Variants in ERC1 observed in about 807,000 individuals in gnomAD.
ERC1 encodes the protein ELKS/RAB6-interacting/CAST family member 1, also known as RAB6 interacting protein 2.
In ERC1, 56 loss-of-function variants were observed where a neutral mutation model predicts 132.0. That is an observed-to-expected ratio of 0.42 (90% confidence interval 0.34 to 0.53). The LOEUF (loss-of-function observed/expected upper bound fraction) is 0.53, where lower values mean the gene tolerates loss of function less well. ERC1 is among the 20% of genes least tolerant of loss of function. The pLI is 0.03. For missense variants in ERC1, 1,202 were observed against 1,349.9 expected, an observed-to-expected ratio of 0.89 and a Z score of 1.72; for synonymous variants, 478 against 476.1, an observed-to-expected ratio of 1.00 and a Z score of -0.05.
intron 14 of ERC1, among the ~76,000 whole-genome samples, chr12:1,263,687 T>C (rs1326383093): frequency 6.6e-6 from 1 of 152,252 alleles, no homozygotes; most frequent in African/African-American, 2.4e-5. Context: ...TTTTTTTCTT[T>C]TATTATTATT....
intron 1 of ERC1, among the ~76,000 whole-genome samples, chr12:1,006,432 C>T (rs1963619468): frequency 6.6e-6 from 1 of 152,078 alleles, no homozygotes; most frequent in Non-Finnish European, 1.5e-5. Context: ...GAGTGTTACT[C>T]TGTCACCTAG....
At chr12:1,270,253 A>G (rs1478561094) in intron 14 of ERC1, among the ~76,000 whole-genome samples, 1 of 151,860 alleles carries the variant, frequency 6.6e-6, no homozygotes, top group Non-Finnish European at 1.5e-5. Flanking sequence ...CTTCACCCAC[A>G]CTGGAGTGCA....
intron 16 of ERC1, among the ~76,000 whole-genome samples, chr12:1,403,332 C>T (rs1308906917): frequency 6.6e-6 from 1 of 152,150 alleles, no homozygotes; most frequent in Non-Finnish European, 1.5e-5. Flanking sequence ...TATAAAATAT[C>T]TTTCATGTCA....
intron 15 of ERC1, among the ~76,000 whole-genome samples, chr12:1,351,200 G>A (rs1308528671): frequency 6.6e-6 from 1 of 152,126 alleles, no homozygotes; most frequent in Admixed American, 6.5e-5. Context: ...TTGATTTACT[G>A]CTTACAAATC....
chr12:1,065,046 G>A (rs757175745), intron 2 of ERC1, among the ~76,000 whole-genome samples: 1 of 151,918 alleles, frequency 6.6e-6, no homozygotes, highest in Non-Finnish European at 1.5e-5. Flanking sequence ...TGTTGCCCAG[G>A]CTGGAGTGCA....
At chr12:1,082,566 C>T (rs996671368) in intron 2 of ERC1, among the ~76,000 whole-genome samples, 2 of 147,784 alleles carry the variant, frequency 1.4e-5, no homozygotes, top group African/African-American at 2.5e-5. Context: ...TCTTGGCTCA[C>T]TGCAATTCCC....
chr12:1,441,017 TAATC>T (rs1204372964), intron 17 of ERC1, among the ~76,000 whole-genome samples: 2 of 152,114 alleles, frequency 1.3e-5, no homozygotes, highest in Non-Finnish European at 2.9e-5. Flanking sequence ...CATGTTTATT[TAATC>T]AATTAGCCAT....
intron 2 of ERC1, among the ~76,000 whole-genome samples, chr12:1,077,930 T>C (rs1486012101): frequency 6.6e-6 from 1 of 152,180 alleles, no homozygotes; most frequent in Non-Finnish European, 1.5e-5. Flanking sequence ...TATATTTTAG[T>C]GGAGAAAACT....
At chr12:1,115,657 T>C (rs576981800) in intron 6 of ERC1, 169 of 463,428 alleles carry the variant, frequency 3.6e-4, no homozygotes, top group Non-Finnish European at 5.8e-4. Flanking sequence ...AACTGGACAT[T>C]TCCCTATTGG....
chr12:1,407,173 G>C (rs950293025), intron 16 of ERC1, among the ~76,000 whole-genome samples: 1 of 151,924 alleles, frequency 6.6e-6, no homozygotes, highest in East Asian at 1.9e-4. Context: ...AAAGACAATG[G>C]GATTATAGTC....
chr12:1,083,016 T>C (rs1942455109), intron 2 of ERC1, 148 bp from the exon 3 acceptor site: 1 of 654,740 alleles, frequency 1.5e-6, no homozygotes, highest in East Asian at 2.6e-5. Flanking sequence ...CTCAATCATT[T>C]TTTAAGGACC....
At chr12:1,195,335 A>G (rs1055975675) in intron 12 of ERC1, among the ~76,000 whole-genome samples, 2 of 152,182 alleles carry the variant, frequency 1.3e-5, no homozygotes, top group African/African-American at 4.8e-5. Context: ...TTTATACATT[A>G]AACTTCAGTT....
At chr12:1,283,499 C>T (rs960836386) in intron 14 of ERC1, among the ~76,000 whole-genome samples, 2 of 152,202 alleles carry the variant, frequency 1.3e-5, no homozygotes, top group African/African-American at 4.8e-5. Context: ...ATTGTGGAAA[C>T]ATAGCAGAAA....
At chr12:1,201,748 A>T (rs1956934599) in intron 12 of ERC1, among the ~76,000 whole-genome samples, 1 of 152,236 alleles carries the variant, frequency 6.6e-6, no homozygotes, top group Non-Finnish European at 1.5e-5. Flanking sequence ...AAGATCTACC[A>T]TATAGAAATT....
At position 1,209,171 on chromosome 12, in the gene ERC1, G is replaced by A. The variant is rs752507709; in HGVS notation, c.2351+19119G>A. ...TTTAGTAGAGACAGGGTTTCGCCAC[G>A]TTGCTCAGGCTGGTCTTGAACTCCT... On this transcript the variant is annotated intron_variant, in intron 12 of 18. Coordinates refer to ENST00000360905, the MANE Select transcript of ERC1 (RefSeq NM_178040.4). 5.9e-5 allele frequency among the ~76,000 whole-genome samples: 9 copies of A among 151,896 alleles called. No individual in the cohort carries two copies. The South Asian group carries it at 8.3e-4, about 14-fold the overall frequency.
chr12:1,451,494 G>A (rs2093424198), intron 18 of ERC1, among the ~76,000 whole-genome samples: 2 of 152,224 alleles, frequency 1.3e-5, no homozygotes, highest in Middle Eastern at 3.4e-3. Flanking sequence ...ATACAGTGGT[G>A]TGTGCCTGCA....
chr12:1,379,443 A>C (rs1302505077), intron 16 of ERC1, among the ~76,000 whole-genome samples: 1 of 152,212 alleles, frequency 6.6e-6, no homozygotes, highest in East Asian at 1.9e-4. Flanking sequence ...GGTTTGCACT[A>C]GTCTCTCCTC....
At chr12:1,459,270 G>A (rs2093600298) in intron 18 of ERC1, among the ~76,000 whole-genome samples, 1 of 152,106 alleles carries the variant, frequency 6.6e-6, no homozygotes. Context: ...TTATGATATT[G>A]CTGAGATTTT....
intron 18 of ERC1, among the ~76,000 whole-genome samples, chr12:1,466,577 T>C (rs1164677193): frequency 6.6e-6 from 1 of 152,158 alleles, no homozygotes; most frequent in Non-Finnish European, 1.5e-5. Flanking sequence ...AATAACTGAC[T>C]GTCAAACAAG....
Sources: gnomAD v4.1 joint callset for allele counts (sites outside exome capture counted in the v4.1 genomes callset) on GRCh38, gnomAD v4.1.1 for gene constraint, MANE v1.5 for transcripts, NCBI Gene and HGNC (gene_info 2026-07-23, HGNC 2026-07-21) for gene names.